MITF: variants seen among roughly 807,000 people sequenced by gnomAD.
MITF encodes the protein melanocyte inducing transcription factor.
A neutral mutation model predicts 60.5 loss-of-function variants in MITF; 17 were observed. The ratio of observed to expected loss-of-function variants is 0.28; its 90% CI spans 0.19 to 0.42. The LOEUF (loss-of-function observed/expected upper bound fraction) is 0.42, where lower values mean the gene tolerates loss of function less well. Ranked by LOEUF, MITF falls within the 10% of genes least tolerant of loss-of-function variation. The probability of loss-of-function intolerance (pLI) is 1.00; values close to 1 mark genes in which losing one functional copy is unlikely to be tolerated. For missense variants in MITF, 622 were observed against 683.5 expected (o/e 0.91, Z 1.00); for synonymous variants, 260 against 248.5 (o/e 1.05, Z -0.43).
chr3:69,787,270 C>T (rs1020738656), intron 1 of MITF, among the ~76,000 whole-genome samples: 2 of 152,082 alleles, frequency 1.3e-5, no homozygotes, highest in Admixed American at 6.6e-5. Context: ...TGAACTTCAC[C>T]AAAGGAAGTG....
intron 1 of MITF, among the ~76,000 whole-genome samples, chr3:69,827,890 CTATG>C (rs932556241): frequency 6.6e-6 from 1 of 152,114 alleles, no homozygotes; most frequent in Admixed American, 6.6e-5. Flanking sequence ...CCTCCACAGC[CTATG>C]ATAAATGAGG....
intron 1 of MITF, among the ~76,000 whole-genome samples, chr3:69,824,706 C>A (rs1045468456): frequency 1.3e-5 from 2 of 152,178 alleles, no homozygotes; most frequent in African/African-American, 4.8e-5. Flanking sequence ...AGGGCTCTGG[C>A]TTCACTAGTG....
intron 2 of MITF, among the ~76,000 whole-genome samples, chr3:69,931,383 A>G (rs2065719431): frequency 6.6e-6 from 1 of 152,136 alleles, no homozygotes. Context: ...TAATGTATAT[A>G]TTAGGGATTT....
chr3:69,890,213 A>G (rs2064728339), intron 2 of MITF, among the ~76,000 whole-genome samples: 1 of 152,268 alleles, frequency 6.6e-6, no homozygotes, highest in South Asian at 2.1e-4. Context: ...CCTGTCAAAA[A>G]CAGCCTCTTA....
At chr3:69,961,771 T>C (rs574010618) in intron 9 of MITF, among the ~76,000 whole-genome samples, 19 of 152,308 alleles carry the variant, frequency 1.2e-4, no homozygotes, top group Non-Finnish European at 7.4e-5. Context: ...GTTGTTTCCT[T>C]CTACAAGTAT....
chr3:69,768,174 T>C (rs906561471), intron 1 of MITF, among the ~76,000 whole-genome samples: 2 of 152,244 alleles, frequency 1.3e-5, no homozygotes, highest in East Asian at 3.9e-4. Context: ...TTAGGGTCCA[T>C]GCTCTCCACA....
intron 1 of MITF, among the ~76,000 whole-genome samples, chr3:69,792,964 A>G (rs566162485): frequency 2.4e-3 from 311 of 130,362 alleles, no homozygotes; most frequent in Admixed American, 4.6e-3. Flanking sequence ...TATTACTTTA[A>G]ATTTTTTCTT....
chr3:69,886,258 G>A (rs771328177), intron 2 of MITF, among the ~76,000 whole-genome samples: 4 of 152,118 alleles, frequency 2.6e-5, no homozygotes, highest in Admixed American at 6.6e-5. Context: ...TGATGTGAAC[G>A]TGACACTACC....
intron 1 of MITF, among the ~76,000 whole-genome samples, chr3:69,864,984 T>G (rs2064084950): frequency 6.6e-6 from 1 of 152,192 alleles, no homozygotes; most frequent in South Asian, 2.1e-4. Context: ...CATTACATAT[T>G]TATGTGATTA....
intron 1 of MITF, among the ~76,000 whole-genome samples, chr3:69,780,986 A>G (rs527515766): frequency 1.3e-5 from 2 of 152,342 alleles, no homozygotes; most frequent in African/African-American, 4.8e-5. Context: ...GACACTGTTT[A>G]TCAAAGGTAA....
At chr3:69,746,564 G>T (rs1361210654) in intron 1 of MITF, among the ~76,000 whole-genome samples, 1 of 152,080 alleles carries the variant, frequency 6.6e-6, no homozygotes, top group Admixed American at 6.6e-5. Context: ...TTTGCTGAGG[G>T]TTTGTCTAAT....
chr3:69,780,644 T>G (rs1376501361), intron 1 of MITF, among the ~76,000 whole-genome samples: 1 of 152,178 alleles, frequency 6.6e-6, no homozygotes, highest in Admixed American at 6.5e-5. Context: ...AAGATGGCTA[T>G]AACTTTCTCT....
At chr3:69,911,168 A>G (rs986989848) in intron 2 of MITF, among the ~76,000 whole-genome samples, 89 of 151,818 alleles carry the variant, frequency 5.9e-4, no homozygotes, top group African/African-American at 1.9e-3. Context: ...CTTCTTCCTC[A>G]TTTTCTCTTG....
intron 1 of MITF, among the ~76,000 whole-genome samples, chr3:69,822,574 A>C (rs2063292717): frequency 6.6e-6 from 1 of 152,200 alleles, no homozygotes; most frequent in African/African-American, 2.4e-5. Context: ...AAAAAGACCA[A>C]ACCTAACCAA....
chr3:69,780,962 G>A lies in MITF; in HGVS notation c.104+41261G>A, dbSNP rs548745630. On this transcript the variant is annotated intron_variant, in intron 1 of 9. Coordinates refer to ENST00000352241, the MANE Select transcript of MITF (RefSeq NM_001354604.2). ...GACAACCTACCACTGAAATCAAGAT[G>A]TCTAGATATTGGTGACACTGTTTAT... is the stretch of plus-strand genomic sequence containing the variant. Among the ~76,000 whole-genome samples the A allele has an allele frequency of 1.4e-4, 22 of 152,230 alleles. No homozygotes were observed. The East Asian group carries it at 2.9e-3, about 20-fold the overall frequency.
At chr3:69,889,716 T>C (rs2064715836) in intron 2 of MITF, among the ~76,000 whole-genome samples, 1 of 152,142 alleles carries the variant, frequency 6.6e-6, no homozygotes, top group Non-Finnish European at 1.5e-5. Context: ...GACCTGTGTT[T>C]AGATTTTATA....
chr3:69,886,911 A>T (rs2064632563), intron 2 of MITF, among the ~76,000 whole-genome samples: 1 of 152,086 alleles, frequency 6.6e-6, no homozygotes, highest in African/African-American at 2.4e-5. Flanking sequence ...ATTACAATTC[A>T]TATGCTTTAT....
At chr3:69,874,233 A>G (rs887249328) in intron 1 of MITF, among the ~76,000 whole-genome samples, 1 of 152,164 alleles carries the variant, frequency 6.6e-6, no homozygotes, top group Non-Finnish European at 1.5e-5. Context: ...CTCATGAGAG[A>G]TTTGCAGAAT....
chr3:69,853,272 A>T (rs1461653634), intron 1 of MITF, among the ~76,000 whole-genome samples: 1 of 152,136 alleles, frequency 6.6e-6, no homozygotes, highest in Non-Finnish European at 1.5e-5. Context: ...TGTTCGGTAG[A>T]GGGTTAAGGG....
Sources: allele counts gnomAD v4.1 joint callset (sites outside exome capture counted in the v4.1 genomes callset), GRCh38; gene constraint gnomAD v4.1.1; transcripts MANE v1.5; gene names NCBI Gene and HGNC (gene_info 2026-07-23, HGNC 2026-07-21).